Variants in SYN2 observed in about 807,000 individuals in gnomAD.
SYN2 encodes the protein synapsin-2.
SYN2 carries 19 observed loss-of-function variants against 50.9 expected under a neutral mutation model. The observed-to-expected ratio is 0.37, with a 90% CI of 0.26 to 0.55. The LOEUF is 0.55. Ranked by LOEUF, SYN2 falls within the 20% of genes least tolerant of loss-of-function variation. The pLI, the probability that SYN2 is intolerant of heterozygous loss-of-function variation, is 0.81. For synonymous variants in SYN2, 255 were observed against 224.9 expected (o/e 1.13, Z -1.20); for missense variants, 587 against 576.4 (o/e 1.02, Z -0.19).
At chr3:12,154,428 C>G (rs1160531594) in intron 5 of SYN2, 3 of 1,614,108 alleles carry the variant, frequency 1.9e-6, no homozygotes, top group South Asian at 2.2e-5. Context: ...TGGATGAAGA[C>G]TTTTCCATCA....
chr3:12,158,588 A>G (rs1697531031), intron 5 of SYN2: 4 of 1,468,782 alleles, frequency 2.7e-6, no homozygotes, highest in Non-Finnish European at 1.8e-6. Flanking sequence ...GCAAGAGACA[A>G]CCGGTAAGAA....
At chr3:12,035,955 A>G (rs529640683) in intron 1 of SYN2, among the ~76,000 whole-genome samples, 9 of 152,324 alleles carry the variant, frequency 5.9e-5, no homozygotes, top group African/African-American at 2.2e-4. Context: ...TTTAGTTTCA[A>G]TAGGGAACCA....
intron 1 of SYN2, among the ~76,000 whole-genome samples, chr3:12,083,716 G>C (rs909035663): frequency 6.6e-6 from 1 of 152,156 alleles, no homozygotes; most frequent in Non-Finnish European, 1.5e-5. Context: ...TTCATCATCT[G>C]TTCTACCTAG....
chr3:12,183,665 A>G, intron 11 of SYN2: 1 of 1,361,434 alleles, frequency 7.3e-7, no homozygotes, highest in South Asian at 1.6e-5. Flanking sequence ...ATAACTTGTG[A>G]TTCCAGGGCT....
chr3:12,177,701 A>G (rs1381665388), intron 10 of SYN2, among the ~76,000 whole-genome samples: 8 of 152,224 alleles, frequency 5.3e-5, no homozygotes, highest in Non-Finnish European at 8.8e-5. Flanking sequence ...AGATAAAGCC[A>G]CTAGTGACTA....
At chr3:12,102,491 C>T (rs1283552874) in intron 1 of SYN2, among the ~76,000 whole-genome samples, 2 of 152,022 alleles carry the variant, frequency 1.3e-5, no homozygotes, top group Non-Finnish European at 2.9e-5. Flanking sequence ...GTGCATTGCC[C>T]ATTAAAACAT....
At chr3:12,051,917 C>T (rs1199775679) in intron 1 of SYN2, among the ~76,000 whole-genome samples, 2 of 152,208 alleles carry the variant, frequency 1.3e-5, no homozygotes, top group African/African-American at 4.8e-5. Flanking sequence ...AGAAATCTTA[C>T]TAAATTCACC....
intron 7 of SYN2, among the ~76,000 whole-genome samples, chr3:12,166,020 C>T (rs1275670748): frequency 6.6e-6 from 1 of 152,164 alleles, no homozygotes; most frequent in Non-Finnish European, 1.5e-5. Context: ...TCAGCCTGCT[C>T]ACAACAGGGG....
chr3:12,072,613 A>G (rs535951125), intron 1 of SYN2, among the ~76,000 whole-genome samples: 4 of 152,172 alleles, frequency 2.6e-5, no homozygotes, highest in East Asian at 1.9e-4. Flanking sequence ...TGGTACCCTC[A>G]CCAAAAGTAA....
At chr3:12,039,710 A>C (rs1278978716) in intron 1 of SYN2, among the ~76,000 whole-genome samples, 10 of 152,314 alleles carry the variant, frequency 6.6e-5, no homozygotes, top group African/African-American at 2.4e-4. Context: ...ATGTAGTAAC[A>C]GAATTGGTCC....
intron 1 of SYN2, among the ~76,000 whole-genome samples, chr3:12,088,360 A>G (rs980725189): frequency 6.7e-6 from 1 of 149,744 alleles, no homozygotes; most frequent in Non-Finnish European, 1.5e-5. Flanking sequence ...CCACAGTGAG[A>G]TAACATCTCA....
At chr3:12,009,910 C>T (rs1693880976) in intron 1 of SYN2, among the ~76,000 whole-genome samples, 1 of 152,124 alleles carries the variant, frequency 6.6e-6, no homozygotes, top group Non-Finnish European at 1.5e-5. Context: ...AGACCAGCAA[C>T]ACGGTGAAAC....
chr3:12,160,395 AC>A (rs1447653972), intron 5 of SYN2, among the ~76,000 whole-genome samples: 1 of 152,114 alleles, frequency 6.6e-6, no homozygotes, highest in Non-Finnish European at 1.5e-5. Context: ...CAGGCCAGAT[AC>A]CCCCAGTATC....
intron 1 of SYN2, among the ~76,000 whole-genome samples, chr3:12,121,062 C>G (rs977961729): frequency 6.6e-6 from 1 of 152,154 alleles, no homozygotes; most frequent in African/African-American, 2.4e-5. Context: ...CACTTTCATG[C>G]CTTTGCTTAT....
chr3:12,036,753 G>T (rs1167189276), intron 1 of SYN2, among the ~76,000 whole-genome samples: 1 of 152,138 alleles, frequency 6.6e-6, no homozygotes, highest in Non-Finnish European at 1.5e-5. Flanking sequence ...CTGTCAATTG[G>T]CTACATCCTT....
At chr3:12,153,337 G>T in intron 5 of SYN2, 1 of 687,262 alleles carries the variant, frequency 1.5e-6, no homozygotes, top group Non-Finnish European at 2.5e-6. Flanking sequence ...AACAGGCTGA[G>T]GGCAGGGCAG....
intron 1 of SYN2, among the ~76,000 whole-genome samples, chr3:12,048,161 G>T (rs1018734372): frequency 1.5e-4 from 23 of 152,032 alleles, no homozygotes; most frequent in African/African-American, 5.6e-4. Context: ...TTTCCCAAGG[G>T]CTTATTATGA....
At chr3:12,105,942 C>A (rs892184476) in intron 1 of SYN2, among the ~76,000 whole-genome samples, 11 of 152,162 alleles carry the variant, frequency 7.2e-5, no homozygotes, top group Admixed American at 1.3e-4. Flanking sequence ...CATAACAACA[C>A]CTATTTATTA....
intron 5 of SYN2, among the ~76,000 whole-genome samples, chr3:12,160,066 A>AAG (rs1697608404): frequency 7.0e-6 from 1 of 142,488 alleles, no homozygotes; most frequent in African/African-American, 2.7e-5. Flanking sequence ...AAAAAAAAAA[A>AAG]GTAAAAGAAA....
Sources: gnomAD v4.1 joint callset for allele counts (sites outside exome capture counted in the v4.1 genomes callset) on GRCh38, gnomAD v4.1.1 for gene constraint, MANE v1.5 for transcripts, NCBI Gene and HGNC (gene_info 2026-07-23, HGNC 2026-07-21) for gene names.